The following ADAM9 variants were observed in gnomAD, a reference collection of about 807,000 sequenced individuals.
ADAM9 encodes the protein disintegrin and metalloproteinase domain-containing protein 9.
A neutral mutation model predicts 108.1 loss-of-function variants in ADAM9; 54 were observed. That is an observed-to-expected ratio of 0.50 (90% CI 0.40 to 0.63). The LOEUF is 0.63. ADAM9 is among the 20% of genes least tolerant of loss of function. The pLI, the probability that ADAM9 is intolerant of heterozygous loss-of-function variation, is 0.00. For missense variants in ADAM9, 830 were observed against 997.7 expected (o/e 0.83, Z 2.26); for synonymous variants, 316 against 336.0 (o/e 0.94, Z 0.65).
chr8:39,075,186 C>T (rs562165225), intron 15 of ADAM9, among the ~76,000 whole-genome samples: 47 of 152,190 alleles, frequency 3.1e-4, no homozygotes, highest in East Asian at 2.1e-3. Flanking sequence ...GGATTACAGG[C>T]GTGAGCCACC....
intron 3 of ADAM9, among the ~76,000 whole-genome samples, chr8:39,012,961 T>C (rs1270219466): frequency 1.3e-5 from 2 of 152,052 alleles, no homozygotes; most frequent in Non-Finnish European, 1.5e-5. Context: ...TAAAAAAATA[T>C]ATAGACAGGC....
intron 11 of ADAM9, among the ~76,000 whole-genome samples, chr8:39,035,922 C>T (rs77923400): frequency 0.019 from 2,837 of 152,124 alleles, 99 homozygotes; most frequent in African/African-American, 0.064. Context: ...CCTCAGATTC[C>T]TTTTTACTAC....
intron 11 of ADAM9, among the ~76,000 whole-genome samples, chr8:39,033,806 A>C (rs1335279261): frequency 6.6e-6 from 1 of 152,168 alleles, no homozygotes; most frequent in Non-Finnish European, 1.5e-5. Flanking sequence ...TTGGGTTTAA[A>C]TCTACCATCT....
At position 39,027,637 on chromosome 8, in the gene ADAM9, T is replaced by C. The variant is rs138006745; in HGVS notation, c.1130+827T>C. ...CCATGGTGGTTGGGCATCAGAAATA[T>C]AGATTTCTAATGCAGATTCGTTGTA... On this transcript the variant is annotated intron_variant, in intron 11 of 21. Coordinates refer to ENST00000487273, the MANE Select transcript of ADAM9 (RefSeq NM_003816.3). 4.2e-4 allele frequency among the ~76,000 whole-genome samples: 64 copies of C among 152,290 alleles called. No homozygotes were observed. In the Middle Eastern group the frequency reaches 0.01, roughly 24 times the overall value.
chr8:39,101,018 A>G (rs1163747433), intron 20 of ADAM9, among the ~76,000 whole-genome samples: 2 of 152,336 alleles, frequency 1.3e-5, no homozygotes, highest in African/African-American at 4.8e-5. Flanking sequence ...TTTTTATAGT[A>G]TTAGTTAGAT....
chr8:39,030,326 A>G (rs1262630773), intron 11 of ADAM9, among the ~76,000 whole-genome samples: 2 of 152,114 alleles, frequency 1.3e-5, no homozygotes, highest in Non-Finnish European at 2.9e-5. Flanking sequence ...TGTTTTCCAG[A>G]ATATCATATA....
At chr8:39,064,618 A>G (rs542316328) in intron 14 of ADAM9, among the ~76,000 whole-genome samples, 5 of 152,326 alleles carry the variant, frequency 3.3e-5, no homozygotes, top group African/African-American at 7.2e-5. Context: ...ATCTTTCACC[A>G]TAATCTGAAG....
chr8:39,008,570 A>T (rs998414096), intron 2 of ADAM9, among the ~76,000 whole-genome samples: 2 of 152,186 alleles, frequency 1.3e-5, no homozygotes, highest in African/African-American at 4.8e-5. Context: ...GCTGCTGATT[A>T]TATACATTTT....
chr8:39,086,155 C>T (rs1408282375), intron 18 of ADAM9, among the ~76,000 whole-genome samples: 3 of 149,506 alleles, frequency 2.0e-5, no homozygotes, highest in Non-Finnish European at 3.0e-5. Context: ...GCTGGGACTA[C>T]AGGCGTGTGC....
At chr8:39,077,816 G>C (rs1838895407) in intron 16 of ADAM9, among the ~76,000 whole-genome samples, 1 of 152,194 alleles carries the variant, frequency 6.6e-6, no homozygotes, top group Non-Finnish European at 1.5e-5. Flanking sequence ...TAGAAGGCCA[G>C]AGTCAGTCAG....
intron 18 of ADAM9, among the ~76,000 whole-genome samples, chr8:39,087,386 A>G (rs979885602): frequency 3.3e-5 from 5 of 152,212 alleles, no homozygotes; most frequent in East Asian, 1.9e-4. Context: ...CACCTTGGCT[A>G]TAACTGGAAG....
At chr8:39,074,011 C>T (rs114418744) in intron 15 of ADAM9, among the ~76,000 whole-genome samples, 124 of 152,232 alleles carry the variant, frequency 8.1e-4, no homozygotes, top group African/African-American at 2.7e-3. Context: ...GCACCTGTTT[C>T]CAAGTGTTGT....
chr8:39,053,345 G>T (rs1838017186), intron 12 of ADAM9, among the ~76,000 whole-genome samples: 1 of 152,078 alleles, frequency 6.6e-6, no homozygotes, highest in Non-Finnish European at 1.5e-5. Context: ...TTATAAACTT[G>T]TAATTTTATC....
In ADAM9 at chr8:39,055,797, A is replaced by G. The variant is rs1017891466; in HGVS notation, c.1591+25A>G. Reference sequence around the variant, plus strand: ...AGTAAGATATCATCATTTATAATTGATTGCTTCGATATTATTTATTTTTGA... The same window carrying G: ...AGTAAGATATCATCATTTATAATTGGTTGCTTCGATATTATTTATTTTTGA... On this transcript the variant is annotated intron_variant, in intron 14 of 21. Coordinates refer to ENST00000487273, the MANE Select transcript of ADAM9 (RefSeq NM_003816.3). 4 of 1,595,148 alleles carry G rather than the reference A, an allele frequency of 2.5e-6. No homozygotes were observed. The African/African-American group carries it at 5.4e-5, about 21-fold the overall frequency.
intron 16 of ADAM9, among the ~76,000 whole-genome samples, chr8:39,079,594 A>ATT (rs397786496): frequency 1.1e-3 from 163 of 142,210 alleles, no homozygotes; most frequent in Admixed American, 2.7e-3. Context: ...AATATCATGA[A>ATT]TTTTTTTTTT....
chr8:39,023,451 C>A, intron 9 of ADAM9, 126 bp downstream of exon 9: 2 of 963,600 alleles, frequency 2.1e-6, no homozygotes, highest in Non-Finnish European at 3.0e-6. Context: ...GAAAACTTAG[C>A]TTGATGTGGC....
At chr8:39,080,065 C>T (rs1588419646) in intron 16 of ADAM9, among the ~76,000 whole-genome samples, 2 of 152,054 alleles carry the variant, frequency 1.3e-5, no homozygotes, top group South Asian at 2.1e-4. Flanking sequence ...TTGATATTTT[C>T]TACTTTATCT....
chr8:39,049,846 T>G (rs1203282606), intron 12 of ADAM9, among the ~76,000 whole-genome samples: 3 of 152,214 alleles, frequency 2.0e-5, no homozygotes, highest in Non-Finnish European at 4.4e-5. Context: ...TATATATTTA[T>G]TCTTACTAAT....
intron 14 of ADAM9, among the ~76,000 whole-genome samples, chr8:39,062,612 C>T (rs899824700): frequency 1.3e-5 from 2 of 152,172 alleles, no homozygotes; most frequent in South Asian, 2.1e-4. Context: ...CTTGGCTCTC[C>T]ATTATGCCCA....
Sources: allele counts gnomAD v4.1 joint callset (sites outside exome capture counted in the v4.1 genomes callset), GRCh38; gene constraint gnomAD v4.1.1; transcripts MANE v1.5; gene names NCBI Gene and HGNC (gene_info 2026-07-23, HGNC 2026-07-21).